COL15A1: variants seen among roughly 807,000 people sequenced by gnomAD.
COL15A1 encodes the protein collagen alpha-1(XV) chain.
COL15A1 carries 111 observed loss-of-function variants against 165.9 expected under a neutral mutation model. That is an observed-to-expected ratio of 0.67 (90% CI 0.57 to 0.78). The LOEUF (loss-of-function observed/expected upper bound fraction) is 0.78. COL15A1 is among the 30% of genes least tolerant of loss of function. COL15A1 has a pLI of 0.00. For missense variants in COL15A1, 1,745 were observed against 1,789.7 expected (o/e 0.98, Z 0.45); for synonymous variants, 659 against 674.8 (o/e 0.98, Z 0.36).
At chr9:99,033,106 A>T (rs1839234804) in intron 16 of COL15A1, among the ~76,000 whole-genome samples, 1 of 152,172 alleles carries the variant, frequency 6.6e-6, no homozygotes, top group Admixed American at 6.5e-5. Context: ...TTACTTGTGA[A>T]ATTGGGATCC....
intron 11 of COL15A1, among the ~76,000 whole-genome samples, chr9:99,017,462 G>T (rs183309586): frequency 5.9e-4 from 90 of 152,176 alleles, no homozygotes; most frequent in Non-Finnish European, 1.2e-3. Flanking sequence ...CTGCTGACTT[G>T]TTGTAGGCCC....
At chr9:99,044,495 C>A in intron 24 of COL15A1, 73 bp from the exon 25 acceptor site, 1 of 1,380,154 alleles carries the variant, frequency 7.2e-7, no homozygotes, top group South Asian at 1.2e-5. Flanking sequence ...AAGGAGGAGT[C>A]TCTGTACAAA....
At chr9:99,046,843 C>T (rs1015104676) in intron 26 of COL15A1, among the ~76,000 whole-genome samples, 1 of 152,240 alleles carries the variant, frequency 6.6e-6, no homozygotes, top group Non-Finnish European at 1.5e-5. Flanking sequence ...ACCAAGTGGC[C>T]TGTGCCCTGT....
In COL15A1 at chr9:99,000,909, C is replaced by T. The variant is rs778982631; in HGVS notation, c.1023C>T (p.Ser341=). ...HSVDGDPITD[S]GSGAGAFLDI... The stretch of plus-strand genomic sequence containing the variant: ...TGGATGGTGACCCCATTACTGACAG[C>T]GGCTCAGGGGCTGGGGCCTTCCTTG... Residue 341 remains serine (S), a synonymous_variant, in exon 7 of 42, where the codon AGC becomes AGT. Transcript: ENST00000375001. 2.2e-5 allele frequency: 35 copies of T among 1,600,518 alleles called. No individual in the cohort carries two copies. The highest frequency in any genetic ancestry group is 1.8e-4 in the Admixed American group (11 of 59,858).
At chr9:99,047,270 G>A (rs76621011) in intron 26 of COL15A1, among the ~76,000 whole-genome samples, 1 of 152,218 alleles carries the variant, frequency 6.6e-6, no homozygotes, top group Non-Finnish European at 1.5e-5. Flanking sequence ...GATGACTGGG[G>A]TGTCAGACCA....
intron 2 of COL15A1, among the ~76,000 whole-genome samples, chr9:98,950,198 C>T (rs976622996): frequency 1.3e-5 from 2 of 152,090 alleles, no homozygotes; most frequent in Admixed American, 1.3e-4. Context: ...TACTTCTTTG[C>T]ACCTAGGAGC....
chr9:99,052,739 A>C (rs930239806), intron 31 of COL15A1, among the ~76,000 whole-genome samples: 1 of 152,156 alleles, frequency 6.6e-6, no homozygotes, highest in Non-Finnish European at 1.5e-5. Context: ...TATGATCTGC[A>C]CTGGGCTGAG....
chr9:99,028,330 G>GATATTTGAT (rs1839162565), intron 16 of COL15A1, among the ~76,000 whole-genome samples: 2 of 152,108 alleles, frequency 1.3e-5, no homozygotes, highest in Admixed American at 6.5e-5. Flanking sequence ...TTAAGTATGA[G>GATATTTGAT]CTAAGCTATG....
intron 16 of COL15A1, among the ~76,000 whole-genome samples, chr9:99,026,965 T>C (rs1839136840): frequency 6.6e-6 from 1 of 152,180 alleles, no homozygotes; most frequent in African/African-American, 2.4e-5. Context: ...GAATGAAACT[T>C]TTTTCAGACA....
rs539289130 is a variant in COL15A1 at position 99,070,378 on chromosome 9, G to A, written c.*492G>A. ...GCTGTTCGTACACAGAAACAGGACT[G>A]CTCAAATGATCCTATTTGTATTTTC... On this transcript the variant is annotated 3_prime_UTR_variant, in exon 42 of 42. Transcript: ENST00000375001. 52 of 272,408 alleles carry A rather than the reference G, an allele frequency of 1.9e-4. No homozygotes were observed. Among genetic ancestry groups the A allele is most frequent in the South Asian group, 1.7e-3 (52 of 30,684 alleles). The allele number at this position is 272,408 out of a possible 1,614,324, so 16.9% of individuals were successfully genotyped here. A position where few individuals can be genotyped will look rare whatever the true frequency, so the allele number is the denominator to read the frequency against.
intron 5 of COL15A1, 49 bp downstream of exon 5, chr9:98,989,307 G>T: frequency 6.8e-7 from 1 of 1,473,358 alleles, no homozygotes; most frequent in Non-Finnish European, 9.4e-7. Flanking sequence ...CTTTTAGCAG[G>T]CTGAGAATTA....
At chr9:98,997,206 G>GT in intron 6 of COL15A1, 125 bp downstream of exon 6, 6 of 1,204,782 alleles carry the variant, frequency 5.0e-6, no homozygotes, top group Admixed American at 2.4e-5. Flanking sequence ...TTAAGAAAGG[G>GT]TGAGAACCAC....
At position 99,033,259 on chromosome 9, in the gene COL15A1, G is replaced by A. The variant is rs190382184; in HGVS notation, c.2044-1290G>A. Among the ~76,000 whole-genome samples the A allele has an allele frequency of 2.6e-4, 40 of 152,334 alleles. No homozygotes were observed. In the East Asian group the frequency reaches 3.5e-3, roughly 13 times the overall value. On this transcript the variant is annotated intron_variant, in intron 16 of 41. Transcript: ENST00000375001. ...AGGGCACCTCAGCAGCTGATCTTCC[G>A]CGTGTAGGGTGCCCTTGGACCTCAC...
chr9:99,044,536 C>G, intron 24 of COL15A1, 32 bp from the exon 25 acceptor site: 1 of 1,610,500 alleles, frequency 6.2e-7, no homozygotes, highest in East Asian at 2.2e-5. Flanking sequence ...AGGAGGAGTC[C>G]TGACTTCATT....
intron 16 of COL15A1, among the ~76,000 whole-genome samples, chr9:99,027,502 A>G (rs1161923978): frequency 1.3e-5 from 2 of 150,912 alleles, no homozygotes; most frequent in South Asian, 2.1e-4. Context: ...AGGAAGCACC[A>G]CAGACCTACA....
intron 16 of COL15A1, among the ~76,000 whole-genome samples, chr9:99,027,840 C>T (rs538389618): frequency 1.1e-3 from 163 of 152,282 alleles, no homozygotes; most frequent in Non-Finnish European, 1.8e-3. Context: ...GGAAACTTTG[C>T]ACATGATATT....
chr9:99,069,882 A>T lies in COL15A1; in HGVS notation c.4163A>T (p.Lys1388Met). The stretch of plus-strand genomic sequence containing the variant: ...AACAGTTTCATGACAGACGCTAGGA[A>T]GTAATGGCCTTCTGATGATTCTTAA... ...IENSFMTDAR[K>M] The change falls in exon 42 of 42, where the codon AAG becomes ATG. Residue 1388 changes from lysine (K) to methionine (M), a missense_variant. Transcript: ENST00000375001. The T allele has an allele frequency of 6.2e-7, 1 of 1,605,516 alleles. No individual in the cohort carries two copies. Among genetic ancestry groups the T allele is most frequent in the Non-Finnish European group, 8.5e-7 (1 of 1,172,850 alleles).
chr9:99,013,494 C>T (rs1169531193), intron 9 of COL15A1, among the ~76,000 whole-genome samples: 1 of 151,924 alleles, frequency 6.6e-6, no homozygotes, highest in Non-Finnish European at 1.5e-5. Context: ...GAGAAGACAC[C>T]CTTTAGAATG....
chr9:99,069,593 G>C, intron 41 of COL15A1, 80 bp from the exon 42 acceptor site: 1 of 1,539,454 alleles, frequency 6.5e-7, no homozygotes, highest in African/African-American at 1.4e-5. Flanking sequence ...TGATTCATTA[G>C]ACTTATGCCA....
Sources: gnomAD v4.1 joint callset for allele counts (sites outside exome capture counted in the v4.1 genomes callset) on GRCh38, gnomAD v4.1.1 for gene constraint, MANE v1.5 for transcripts, NCBI Gene and HGNC (gene_info 2026-07-23, HGNC 2026-07-21) for gene names.